GBE1: variants seen among roughly 807,000 people sequenced by gnomAD.
GBE1 encodes the protein 1,4-alpha-glucan branching enzyme 1, also known as 1,4-alpha-glucan-branching enzyme.
A neutral mutation model predicts 88.8 loss-of-function variants in GBE1; 70 were observed. The observed-to-expected ratio is 0.79, with a 90% CI of 0.65 to 0.96. The LOEUF is 0.96. GBE1 is among the 40% of genes least tolerant of loss of function. The pLI is 0.00. For synonymous variants in GBE1, 284 were observed against 300.1 expected (o/e 0.95, Z 0.56); for missense variants, 872 against 871.0 (o/e 1.00, Z -0.01).
chr3:81,564,753 G>T (rs1703468944), intron 12 of GBE1, among the ~76,000 whole-genome samples: 1 of 152,018 alleles, frequency 6.6e-6, no homozygotes, highest in African/African-American at 2.4e-5. Flanking sequence ...TGGGAAAGAG[G>T]GCTGAGGACA....
intron 7 of GBE1, among the ~76,000 whole-genome samples, chr3:81,604,181 C>T (rs1704070890): frequency 1.3e-5 from 2 of 151,874 alleles, no homozygotes; most frequent in South Asian, 4.2e-4. Flanking sequence ...TATCTTGTGC[C>T]TTTTCTTTAT....
chr3:81,508,356 C>A (rs1196006247), intron 14 of GBE1, among the ~76,000 whole-genome samples: 3 of 152,116 alleles, frequency 2.0e-5, no homozygotes, highest in African/African-American at 4.8e-5. Context: ...GCACTAACCT[C>A]TCCCTAAAAC....
Position 81,516,217 on chromosome 3 carries a change from G to A in GBE1, c.1935-16990C>T, listed in dbSNP as rs541969654. Among the ~76,000 whole-genome samples, 4 of 151,612 alleles carry A rather than the reference G, an allele frequency of 2.6e-5. No homozygotes were observed. In the East Asian group the frequency reaches 7.8e-4, roughly 30 times the overall value. On this transcript the variant is annotated intron_variant, in intron 14 of 15. Transcript: ENST00000429644. ...AGAACAGGATGACTCTCTTGTTATG[G>A]GCTAATGCAGCTGGTGACTTTGAGT...
rs570146962 is a variant in GBE1, at chr3:81,632,686, A to T, written c.992+10095T>A. 3.9e-5 allele frequency among the ~76,000 whole-genome samples: 6 copies of T among 152,304 alleles called. No homozygotes were observed. The South Asian group carries it at 1.2e-3, about 32-fold the overall frequency. ...TAGAACTAGAAATATCATTTGACCCAGCAATCCCATTACTAGGTATATACC... is the reference window on the plus strand; with the variant it reads ...TAGAACTAGAAATATCATTTGACCCTGCAATCCCATTACTAGGTATATACC... On this transcript the variant is annotated intron_variant, in intron 7 of 15. Coordinates refer to ENST00000429644, the MANE Select transcript of GBE1 (RefSeq NM_000158.4).
At chr3:81,505,092 C>G (rs1209541495) in intron 14 of GBE1, among the ~76,000 whole-genome samples, 1 of 152,158 alleles carries the variant, frequency 6.6e-6, no homozygotes. Flanking sequence ...GAAAAAATAT[C>G]ACTACCACAT....
chr3:81,737,381 A>T lies in GBE1; in HGVS notation c.143+23994T>A, dbSNP rs1231679613. Among the ~76,000 whole-genome samples the T allele has an allele frequency of 2.9e-4, 8 of 27,896 alleles. No individual in the cohort carries two copies. In the East Asian group the frequency reaches 0.031, roughly 109 times the overall value. The allele number at this position is 27,896 out of a possible 152,430, so 18.3% of individuals were successfully genotyped here. On this transcript the variant is annotated intron_variant, in intron 1 of 15. Transcript: ENST00000429644. Reference sequence around the variant, plus strand: ...TATTTATATATTTATATATATTTTTATATATATTTATATAAATATATTTTT... The same window carrying T: ...TATTTATATATTTATATATATTTTTTTATATATTTATATAAATATATTTTT...
chr3:81,643,076 G>T (rs548905864), intron 6 of GBE1, 86 bp from the exon 7 acceptor site: 2 of 852,850 alleles, frequency 2.3e-6, no homozygotes, highest in South Asian at 3.1e-5. Context: ...CACCATCGCA[G>T]TACTAGATAC....
chr3:81,726,524 G>C (rs1303162810), intron 1 of GBE1, among the ~76,000 whole-genome samples: 1 of 150,934 alleles, frequency 6.6e-6, no homozygotes, highest in Non-Finnish European at 1.5e-5. Flanking sequence ...ATTAAATGGT[G>C]TATCTTATTG....
chr3:81,734,097 C>A (rs1706223883), intron 1 of GBE1, among the ~76,000 whole-genome samples: 2 of 152,086 alleles, frequency 1.3e-5, no homozygotes, highest in African/African-American at 2.4e-5. Flanking sequence ...CTAAAGTTTT[C>A]CAAAATAACT....
chr3:81,616,990 GAGAATA>G (rs1444732321), intron 7 of GBE1, among the ~76,000 whole-genome samples: 1 of 151,974 alleles, frequency 6.6e-6, no homozygotes, highest in East Asian at 1.9e-4. Flanking sequence ...GAAGGAGGGA[GAGAATA>G]AGTGTTTATA....
intron 2 of GBE1, among the ~76,000 whole-genome samples, chr3:81,676,329 C>A (rs1705251664): frequency 6.6e-6 from 1 of 151,988 alleles, no homozygotes; most frequent in South Asian, 2.1e-4. Flanking sequence ...TACTCTTATG[C>A]TTGTCTAGTT....
intron 1 of GBE1, among the ~76,000 whole-genome samples, chr3:81,752,390 A>G (rs1223246148): frequency 2.0e-5 from 3 of 152,188 alleles, no homozygotes; most frequent in Non-Finnish European, 1.5e-5. Context: ...ACTCAGTATG[A>G]CCATTCCTCT....
intron 2 of GBE1, among the ~76,000 whole-genome samples, chr3:81,679,340 A>G (rs1267332268): frequency 6.6e-6 from 1 of 152,178 alleles, no homozygotes; most frequent in African/African-American, 2.4e-5. Flanking sequence ...TCATACTCCA[A>G]TCAGCTGGAT....
chr3:81,534,330 G>A (rs1175325878), intron 14 of GBE1, among the ~76,000 whole-genome samples: 1 of 151,850 alleles, frequency 6.6e-6, no homozygotes, highest in Non-Finnish European at 1.5e-5. Context: ...GCTCTATGAC[G>A]GCAGTGACTG....
At chr3:81,735,438 C>T (rs1019704941) in intron 1 of GBE1, among the ~76,000 whole-genome samples, 9 of 152,134 alleles carry the variant, frequency 5.9e-5, no homozygotes, top group African/African-American at 1.9e-4. Flanking sequence ...CACAAGGGGT[C>T]AATGTGAAAA....
intron 3 of GBE1, among the ~76,000 whole-genome samples, chr3:81,665,489 T>C (rs904834307): frequency 2.0e-5 from 3 of 151,174 alleles, no homozygotes; most frequent in East Asian, 1.9e-4. Context: ...TGAGCCGAGA[T>C]TGCGCCACTG....
chr3:81,525,009 T>C (rs1015112610), intron 14 of GBE1, among the ~76,000 whole-genome samples: 4 of 151,936 alleles, frequency 2.6e-5, no homozygotes, highest in Admixed American at 1.3e-4. Flanking sequence ...ATTGGTATGG[T>C]CATTGGTATA....
At position 81,591,142 on chromosome 3, in the gene GBE1, G is replaced by GT; in HGVS notation, c.1130dup (p.Tyr377Ter). The GT allele has an allele frequency of 6.2e-7, 1 of 1,603,780 alleles. No individual in the cohort carries two copies. Among genetic ancestry groups the GT allele is most frequent in the East Asian group, 2.2e-5 (1 of 44,612 alleles). ...HGVGQGFSGD[Y>*]SEYFGLQVDE... ...CTACTTGTAGTCCGAAATATTCACTGTAATCACCTGAGAAACCTTGACCTT... is the reference window on the plus strand; with the variant it reads ...CTACTTGTAGTCCGAAATATTCACTGTTAATCACCTGAGAAACCTTGACCTT... Residue 377 changes from tyrosine (Y) to a stop codon, truncating the protein, a stop_gained and frameshift_variant, in exon 9 of 16, where the codon TAC becomes TAAC. Coordinates refer to ENST00000429644, the MANE Select transcript of GBE1 (RefSeq NM_000158.4). LOFTEE classifies it high-confidence loss of function.
At chr3:81,718,714 G>A (rs762715631) in intron 1 of GBE1, among the ~76,000 whole-genome samples, 15 of 151,994 alleles carry the variant, frequency 9.9e-5, no homozygotes, top group Admixed American at 2.0e-4. Flanking sequence ...TTGGCTCACC[G>A]CAACCTCCGC....
Sources: gnomAD v4.1 joint callset for allele counts (sites outside exome capture counted in the v4.1 genomes callset) on GRCh38, gnomAD v4.1.1 for gene constraint, MANE v1.5 for transcripts, NCBI Gene and HGNC (gene_info 2026-07-23, HGNC 2026-07-21) for gene names.